Variants in BARX1 observed in about 807,000 individuals in gnomAD.
The protein encoded by BARX1 is homeobox protein BarH-like 1.
Under a neutral mutation model 19.6 loss-of-function variants are expected in BARX1, and 10 were observed. The observed-to-expected ratio is 0.51, with a 90% CI of 0.31 to 0.86. The LOEUF is 0.86. Among genes scored for constraint, BARX1 ranks in the 40% least tolerant of loss-of-function variants. BARX1 has a pLI of 0.04. For missense variants in BARX1, 309 were observed against 360.4 expected, an observed-to-expected ratio of 0.86 and a Z score of 1.15; for synonymous variants, 177 against 170.0, an observed-to-expected ratio of 1.04 and a Z score of -0.32.
rs987159718 is a variant in BARX1 at position 93,954,905 on chromosome 9, C to G, written c.223+19G>C. 9 of 1,297,490 alleles carry G rather than the reference C, an allele frequency of 6.9e-6. No individual in the cohort carries two copies. Among genetic ancestry groups the G allele is most frequent in the Non-Finnish European group, 8.7e-6 (9 of 1,029,846 alleles). 80.4% of individuals were successfully genotyped at this position (1,297,490 alleles called of 1,614,324 possible). On this transcript the variant is annotated intron_variant, in intron 1 of 3. Transcript: ENST00000253968. ...CTCCCGCCAAGCCCGGCCCGCGACC[C>G]CGCGGCCGCCACACGTACCCAGGTG...
Position 93,952,053 on chromosome 9 carries a change from A to C in BARX1, c.*111T>G. 7 of 1,334,506 alleles carry C rather than the reference A, an allele frequency of 5.2e-6. No individual in the cohort carries two copies. Among genetic ancestry groups the C allele is most frequent in the Non-Finnish European group, 7.0e-6 (7 of 995,010 alleles). 82.7% of individuals were successfully genotyped at this position (1,334,506 alleles called of 1,614,324 possible). On this transcript the variant is annotated 3_prime_UTR_variant, in exon 4 of 4. Transcript: ENST00000253968. ...GTCCGCATTCAAGATCATAATAAAAAGGCTTAGGAAGTAAACTTCTTGGAC... is the reference window on the plus strand; with the variant it reads ...GTCCGCATTCAAGATCATAATAAAACGGCTTAGGAAGTAAACTTCTTGGAC...
At chr9:93,953,606 T>C (rs1829127063) in intron 1 of BARX1, among the ~76,000 whole-genome samples, 1 of 152,248 alleles carries the variant, frequency 6.6e-6, no homozygotes, top group Admixed American at 6.5e-5. Flanking sequence ...AAAAAGAACA[T>C]GCACGGAGCG....
At position 93,955,037 on chromosome 9, in the gene BARX1, T is replaced by C; in HGVS notation, c.110A>G (p.Glu37Gly). The C allele has an allele frequency of 6.4e-6, 9 of 1,405,176 alleles. No individual in the cohort carries two copies. Among genetic ancestry groups the C allele is most frequent in the Non-Finnish European group, 6.5e-6 (7 of 1,077,306 alleles). 87.0% of individuals were successfully genotyped at this position (1,405,176 alleles called of 1,614,324 possible). Residue 37 changes from glutamate to glycine, a missense_variant, in exon 1 of 4, where the codon GAG (glutamate) becomes GGG (glycine). This residue lies in a region of BARX1 where 204 missense variants were observed against 206.8 expected (regional missense o/e 0.99). Coordinates refer to ENST00000253968, the MANE Select transcript of BARX1 (RefSeq NM_021570.4). The surrounding 1 kb of genome is among the most constrained non-coding windows in gnomAD (Gnocchi z 4.4). ...CGCGGCGCCCTTGGGCCCGGGTGGC[T>C]CCGTGAGGATCTCCTCAATCATGAA... The part of the protein sequence containing the change: ...RSFMIEEILT[E>G]PPGPKGAAPA...
Position 93,954,954 on chromosome 9 carries a change from G to C in BARX1, c.193C>G (p.Leu65Val). Residue 65 changes from leucine (L) to valine (V), a missense_variant, in exon 1 of 4, where the codon CTG becomes GTG. Physicochemically the swap from Leu to Val is conservative, Grantham distance 32. Around this residue, in one of 3 missense-constraint regions of BARX1, gnomAD observed 204 missense variants for 206.8 expected, o/e 0.99. Coordinates refer to ENST00000253968, the MANE Select transcript of BARX1 (RefSeq NM_021570.4). ...TGGCTGTGGAAGGGCCGCGCCGCCA[G>C]CAGCGCCTGCACGCCGAACTTCAGC... ...ELLKFGVQAL[L>V]AARPFHSHLA... is the part of the protein sequence containing the mutation. The C allele has an allele frequency of 7.3e-7, 1 of 1,365,372 alleles. No individual in the cohort carries two copies. Among genetic ancestry groups the C allele is most frequent in the Non-Finnish European group, 9.4e-7 (1 of 1,066,912 alleles). The allele number at this position is 1,365,372 out of a possible 1,614,324, so 84.6% of individuals were successfully genotyped here.
chr9:93,952,076 G>C lies in BARX1; in HGVS notation c.*88C>G, dbSNP rs1829107721. ...AAAGGCTTAGGAAGTAAACTTCTTG[G>C]ACGCGGAAGGGCCGGCTCGCGGGTT... On this transcript the variant is annotated 3_prime_UTR_variant, in exon 4 of 4. Coordinates refer to ENST00000253968, the MANE Select transcript of BARX1 (RefSeq NM_021570.4). The C allele has an allele frequency of 2.0e-6, 3 of 1,482,002 alleles. No homozygotes were observed. The Admixed American group carries it at 6.2e-5, about 31-fold the overall frequency. The allele number at this position is 1,482,002 out of a possible 1,614,324, so 91.8% of individuals were successfully genotyped here.
At chr9:93,953,309 C>T in intron 1 of BARX1, 122 bp from the exon 2 acceptor site, 2 of 1,172,342 alleles carry the variant, frequency 1.7e-6, no homozygotes, top group South Asian at 3.4e-5. Flanking sequence ...CGCAAAACCT[C>T]CACGCCCTGC....
Position 93,952,981 on chromosome 9 carries a change from G to C in BARX1, c.430C>G (p.Arg144Gly). The change falls in exon 2 of 4, where the codon CGG becomes GGG. Residue 144 changes from arginine (R) to glycine (G), a missense_variant. By Grantham distance (125) the Arg-to-Gly change is moderately radical. This residue lies in a region of BARX1 where 34 missense variants were observed against 73.2 expected (regional missense o/e 0.46). Coordinates refer to ENST00000253968, the MANE Select transcript of BARX1 (RefSeq NM_021570.4). ...AGCTCGGTGAACACAGTGCGGCTCCGACGCCCCTTCTTGGCTTTGGTGCCT... is the reference window on the plus strand; with the variant it reads ...AGCTCGGTGAACACAGTGCGGCTCCCACGCCCCTTCTTGGCTTTGGTGCCT... ...EPGTKAKKGRRSRTVFTELQL... is the reference protein window; with the variant it reads ...EPGTKAKKGRGSRTVFTELQL... 6.4e-7 allele frequency: 1 copy of C among 1,571,400 alleles called. No individual in the cohort carries two copies. The highest frequency in any genetic ancestry group is 8.6e-7 in the Non-Finnish European group (1 of 1,158,636).
Position 93,951,989 on chromosome 9 carries a change from G to T in BARX1, c.*175C>A. 1 of 889,754 alleles carries T rather than the reference G, an allele frequency of 1.1e-6. No individual in the cohort carries two copies. The highest frequency in any genetic ancestry group is 1.7e-6 in the Non-Finnish European group (1 of 601,408). The allele number at this position is 889,754 out of a possible 1,614,324, so 55.1% of individuals were successfully genotyped here. A position where few individuals can be genotyped will look rare whatever the true frequency, so the allele number is the denominator to read the frequency against. On this transcript the variant is annotated 3_prime_UTR_variant, in exon 4 of 4. Coordinates refer to ENST00000253968, the MANE Select transcript of BARX1 (RefSeq NM_021570.4). ...CAGAAGCGCGCTGGGACCTGGGTCT[G>T]GCTTTTGGGTCTGTGTCCTTCCTCG... is the stretch of plus-strand genomic sequence containing the variant.
Position 93,952,070 on chromosome 9 carries a change from T to C in BARX1, c.*94A>G. On this transcript the variant is annotated 3_prime_UTR_variant, in exon 4 of 4. Transcript: ENST00000253968. ...TAATAAAAAGGCTTAGGAAGTAAAC[T>C]TCTTGGACGCGGAAGGGCCGGCTCG... 1 of 1,464,910 alleles carries C rather than the reference T, an allele frequency of 6.8e-7. No homozygotes were observed. The highest frequency in any genetic ancestry group is 1.3e-5 in the South Asian group (1 of 78,398). 90.7% of individuals were successfully genotyped at this position (1,464,910 alleles called of 1,614,324 possible).
chr9:93,952,517 C>T (rs532983936), intron 3 of BARX1, among the ~76,000 whole-genome samples, 189 bp from the exon 4 acceptor site: 1 of 152,352 alleles, frequency 6.6e-6, no homozygotes, highest in East Asian at 1.9e-4. Flanking sequence ...GAGCATAAGA[C>T]TGCCAGGAGG....
intron 3 of BARX1, 138 bp downstream of exon 3, chr9:93,952,591 G>C (rs923270588): frequency 9.0e-7 from 1 of 1,107,804 alleles, no homozygotes; most frequent in Non-Finnish European, 1.3e-6. Flanking sequence ...AAACTGAGAG[G>C]ATTCCGGTGC....
At position 93,953,037 on chromosome 9, in the gene BARX1, C is replaced by A; in HGVS notation, c.374G>T (p.Gly125Val). 6.4e-7 allele frequency: 1 copy of A among 1,572,936 alleles called. No individual in the cohort carries two copies. The highest frequency in any genetic ancestry group is 2.4e-5 in the East Asian group (1 of 42,094). The change falls in exon 2 of 4, where the codon GGG becomes GTG. Residue 125 changes from glycine to valine, a missense_variant. By Grantham distance (109) the Gly-to-Val change is moderately radical (BLOSUM62 -3). This residue lies in a region of BARX1 where 204 missense variants were observed against 206.8 expected (regional missense o/e 0.99). Transcript: ENST00000253968. The stretch of plus-strand genomic sequence containing the variant: ...CCCAGGGCCTGCCGCCTCCAGCTTC[C>A]CGCGGAGCTGCAACTCGAGCGGCAG... ...PHLPLELQLR[G>V]KLEAAGPGEP... is the part of the protein sequence containing the mutation.
At chr9:93,953,494 A>T in intron 1 of BARX1, 29 of 367,764 alleles carry the variant, frequency 7.9e-5, no homozygotes, top group East Asian at 1.4e-4. Flanking sequence ...AGAAACTCGG[A>T]GTGTGTCTTG....
intron 3 of BARX1, 110 bp downstream of exon 3, chr9:93,952,619 A>C: frequency 7.9e-7 from 1 of 1,261,218 alleles, no homozygotes; most frequent in Non-Finnish European, 1.1e-6. Flanking sequence ...GCACCGAGGG[A>C]ATCGGGGGGT....
chr9:93,953,352 C>T, intron 1 of BARX1, 165 bp from the exon 2 acceptor site: 1 of 758,492 alleles, frequency 1.3e-6, no homozygotes. Context: ...TGGAGACCCT[C>T]CTCAACGTTG....
intron 1 of BARX1, among the ~76,000 whole-genome samples, chr9:93,954,673 G>C (rs566237320): frequency 6.6e-6 from 1 of 152,356 alleles, no homozygotes; most frequent in East Asian, 1.9e-4. Context: ...AGGCCGAAGG[G>C]AAGCAGTGAA....
chr9:93,952,622 C>CG (rs1445615751), intron 3 of BARX1, 107 bp downstream of exon 3: 16 of 1,288,010 alleles, frequency 1.2e-5, no homozygotes, highest in Middle Eastern at 1.9e-4. Flanking sequence ...CCGAGGGAAT[C>CG]GGGGGGTTGG....
chr9:93,953,054 G>T lies in BARX1; in HGVS notation c.357C>A (p.Leu119=). ...CCAGCTTCCCGCGGAGCTGCAACTC[G>T]AGCGGCAGGTGTGGCGCACCCGCGG... is the stretch of plus-strand genomic sequence containing the variant. The part of the protein sequence containing the change: ...PGAAGAPHLP[L]ELQLRGKLEA... The change falls in exon 2 of 4, where the codon CTC becomes CTA. Residue 119 remains leucine (L), a synonymous_variant. Coordinates refer to ENST00000253968, the MANE Select transcript of BARX1 (RefSeq NM_021570.4). 6.4e-7 allele frequency: 1 copy of T among 1,564,620 alleles called. No homozygotes were observed. The highest frequency in any genetic ancestry group is 1.2e-5 in the South Asian group (1 of 85,494).
Position 93,952,259 on chromosome 9 carries a change from T to A in BARX1, c.670A>T (p.Thr224Ser). The change falls in exon 4 of 4, where the codon ACG becomes TCG. Residue 224 changes from threonine (T) to serine (S), a missense_variant. Transcript: ENST00000253968. ...KGRPKKNSIP[T>S]SEQLTEQERA... ...TCCTGCTCAGTAAGCTGCTCGCTCG[T>A]TGGAATTGAGTTCTTCTTGGGCCGC... The A allele has an allele frequency of 6.2e-7, 1 of 1,612,518 alleles. No homozygotes were observed. Among genetic ancestry groups the A allele is most frequent in the African/African-American group, 1.3e-5 (1 of 75,044 alleles).
Sources: gnomAD v4.1 joint callset for allele counts (sites outside exome capture counted in the v4.1 genomes callset) on GRCh38, gnomAD v4.1.1 for gene constraint, gnomAD v4.1.1 regional missense constraint, Gnocchi (gnomAD v3.1) non-coding constraint, MANE v1.5 for transcripts, NCBI Gene and HGNC (gene_info 2026-07-23, HGNC 2026-07-21) for gene names.